The following LIFR variants were observed in gnomAD, a reference collection of about 807,000 sequenced individuals.
LIFR encodes the protein leukemia inhibitory factor receptor.
Under a neutral mutation model 122.2 loss-of-function variants are expected in LIFR, and 84 were observed. The observed-to-expected ratio is 0.69, with a 90% confidence interval of 0.58 to 0.82. LIFR has a LOEUF of 0.82. Among genes scored for constraint, LIFR ranks in the 40% least tolerant of loss-of-function variants. LIFR has a pLI of 0.00. For synonymous variants in LIFR, 422 were observed against 434.7 expected (o/e 0.97, Z 0.36); for missense variants, 1,294 against 1,311.6 (o/e 0.99, Z 0.21).
chr5:38,605,335 G>A (rs73072845), intron 2 of LIFR, among the ~76,000 whole-genome samples: 3,331 of 152,194 alleles, frequency 0.022, 130 homozygotes, highest in African/African-American at 0.074. Flanking sequence ...TTCAATGTAC[G>A]GACTGGAATC....
intron 1 of LIFR, among the ~76,000 whole-genome samples, chr5:38,537,992 C>T (rs1747382890): frequency 6.6e-6 from 1 of 152,116 alleles, no homozygotes; most frequent in Non-Finnish European, 1.5e-5. Context: ...AGGTTTTTCT[C>T]ATGCCGGGAC....
At chr5:38,548,985 T>C (rs990661774) in intron 1 of LIFR, among the ~76,000 whole-genome samples, 2 of 152,136 alleles carry the variant, frequency 1.3e-5, no homozygotes, top group Non-Finnish European at 2.9e-5. Flanking sequence ...AAATACTACA[T>C]GTGGGCACCG....
intron 7 of LIFR, among the ~76,000 whole-genome samples, chr5:38,509,487 A>G (rs998369624): frequency 4.6e-5 from 7 of 152,192 alleles, no homozygotes; most frequent in Admixed American, 1.3e-4. Context: ...ATACATCAGT[A>G]TCTGAATGAA....
At chr5:38,598,497 C>T (rs1005173523), upstream of LIFR, among the ~76,000 whole-genome samples, 1 of 151,814 alleles carries the variant, frequency 6.6e-6, no homozygotes, top group Non-Finnish European at 1.5e-5. Context: ...CCGCCTGCCT[C>T]GGCCTCCCAA....
rs1238719589 is a variant in LIFR at position 38,530,491 on chromosome 5, GGCT to G, written c.142+12_142+14del. ...ACTGCAATCTGTTCATTCTCTGGAA[GGCT>G]GATGCACTTACCCTTTTTCTGGCTA... On this transcript the variant is annotated intron_variant, in intron 2 of 19. Coordinates refer to ENST00000453190, the MANE Select transcript of LIFR (RefSeq NM_001127671.2). 1 of 1,604,900 alleles carries G rather than the reference GGCT, an allele frequency of 6.2e-7. No individual in the cohort carries two copies. The highest frequency in any genetic ancestry group is 2.2e-5 in the East Asian group (1 of 44,826).
chr5:38,492,390 G>A (rs1041732663), intron 14 of LIFR, among the ~76,000 whole-genome samples: 1 of 152,120 alleles, frequency 6.6e-6, no homozygotes, highest in Admixed American at 6.5e-5. Flanking sequence ...AGTCCATCCT[G>A]ATTATTCTAA....
upstream of LIFR, among the ~76,000 whole-genome samples, chr5:38,599,086 C>T (rs138288268): frequency 6.2e-4 from 95 of 152,292 alleles, no homozygotes; most frequent in African/African-American, 2.1e-3. Flanking sequence ...AGAGAATGAG[C>T]AGGCTTCCCC....
Position 38,499,522 on chromosome 5 carries a change from GATT to G in LIFR, c.1659_1661del (p.Ile554del). 2 of 1,593,138 alleles carry G rather than the reference GATT, an allele frequency of 1.3e-6. No individual in the cohort carries two copies. The highest frequency in any genetic ancestry group is 1.7e-6 in the Non-Finnish European group (2 of 1,160,948). On this transcript the variant is annotated inframe_deletion, in exon 12 of 20. Transcript: ENST00000453190. Reference sequence around the variant, plus strand: ...AAAATTAGATATTTACCTTCCAATAGATTATTAAATTTTTTCCATCAGAACTCC... The same window carrying G: ...AAAATTAGATATTTACCTTCCAATAGATTAAATTTTTTCCATCAGAACTCC...
chr5:38,518,624 T>C (rs1746233532), intron 5 of LIFR, among the ~76,000 whole-genome samples: 1 of 152,236 alleles, frequency 6.6e-6, no homozygotes, highest in Admixed American at 6.5e-5. Context: ...CACATATAAT[T>C]GTGCTCTGTA....
chr5:38,549,696 C>CA (rs1465890634), intron 1 of LIFR, among the ~76,000 whole-genome samples: 1 of 152,150 alleles, frequency 6.6e-6, no homozygotes, highest in Non-Finnish European at 1.5e-5. Flanking sequence ...GAGGCTGAGG[C>CA]AGGAGAATGG....
rs1382141426 is a variant in LIFR at position 38,488,339 on chromosome 5, A to C, written c.2335+739T>G. On this transcript the variant is annotated intron_variant, in intron 16 of 19. Coordinates refer to ENST00000453190, the MANE Select transcript of LIFR (RefSeq NM_001127671.2). ...CTGCCATACCGTGGTGGAGTTCTCT[A>C]TTTCTCAGACAGGCATTAAATAATT... Among the ~76,000 whole-genome samples the C allele has an allele frequency of 3.3e-5, 5 of 152,256 alleles. No individual in the cohort carries two copies. In the East Asian group the frequency reaches 9.7e-4, roughly 29 times the overall value.
At chr5:38,533,237 T>C (rs1483786351) in intron 1 of LIFR, among the ~76,000 whole-genome samples, 1 of 152,224 alleles carries the variant, frequency 6.6e-6, no homozygotes, top group Admixed American at 6.5e-5. Context: ...TTGTTTCCTA[T>C]ACTAATTATT....
chr5:38,584,366 A>G (rs1358383739), intron 1 of LIFR, among the ~76,000 whole-genome samples: 1 of 152,124 alleles, frequency 6.6e-6, no homozygotes, highest in East Asian at 1.9e-4. Flanking sequence ...ACAAAGATGA[A>G]ATCACCCACT....
intron 12 of LIFR, among the ~76,000 whole-genome samples, chr5:38,498,280 T>C (rs1436047531): frequency 6.6e-6 from 1 of 152,186 alleles, no homozygotes; most frequent in Non-Finnish European, 1.5e-5. Flanking sequence ...ATTTTCTTCG[T>C]TGTTCCTGCC....
intron 1 of LIFR, among the ~76,000 whole-genome samples, chr5:38,593,693 G>T (rs1750005269): frequency 6.6e-6 from 1 of 152,190 alleles, no homozygotes. Flanking sequence ...GATGGCATTA[G>T]CAGGTGGGGC....
chr5:38,605,358 C>T lies in LIFR; in HGVS notation n.305+847G>A, dbSNP rs1750307392. On this transcript the variant is annotated intron_variant and non_coding_transcript_variant, in intron 2 of 3. Transcript: ENST00000507786. Reference sequence around the variant, plus strand: ...ACGGACTGGAATCCTTGCTTCACTACTTGCTCGCTTTGTGATTCTAGGCAA... The same window carrying T: ...ACGGACTGGAATCCTTGCTTCACTATTTGCTCGCTTTGTGATTCTAGGCAA... 2.0e-5 allele frequency among the ~76,000 whole-genome samples: 3 copies of T among 152,180 alleles called. No homozygotes were observed. In the South Asian group the frequency reaches 6.2e-4, roughly 31 times the overall value.
chr5:38,478,585 G>A lies in LIFR; in HGVS notation c.*3010C>T, dbSNP rs1743832270. 2.1e-5 allele frequency: 4 copies of A among 187,028 alleles called. No individual in the cohort carries two copies. The highest frequency in any genetic ancestry group is 2.0e-4 in the South Asian group (1 of 5,124). 11.6% of individuals were successfully genotyped at this position (187,028 alleles called of 1,614,324 possible). A position where few individuals can be genotyped will look rare whatever the true frequency, so the allele number is the denominator to read the frequency against. Reference sequence around the variant, plus strand: ...CATCTAATGTTAAAAGTCTAGCTAAGTCTTTAATAATTTAATATTAAATAA... The same window carrying A: ...CATCTAATGTTAAAAGTCTAGCTAAATCTTTAATAATTTAATATTAAATAA... On this transcript the variant is annotated 3_prime_UTR_variant, in exon 20 of 20. Transcript: ENST00000453190.
intron 1 of LIFR, among the ~76,000 whole-genome samples, chr5:38,538,301 T>C (rs1166252944): frequency 6.6e-6 from 1 of 152,224 alleles, no homozygotes; most frequent in African/African-American, 2.4e-5. Context: ...TGCTTGTGGC[T>C]ATAACATCAC....
chr5:38,587,697 A>G (rs991639457), intron 1 of LIFR, among the ~76,000 whole-genome samples: 1 of 152,212 alleles, frequency 6.6e-6, no homozygotes, highest in African/African-American at 2.4e-5. Context: ...ATTTAAACCC[A>G]GAATCTGAGA....
Sources: allele counts gnomAD v4.1 joint callset (sites outside exome capture counted in the v4.1 genomes callset), GRCh38; gene constraint gnomAD v4.1.1; transcripts MANE v1.5; gene names NCBI Gene and HGNC (gene_info 2026-07-23, HGNC 2026-07-21).